PCDH15: variants seen among roughly 807,000 people sequenced by gnomAD.
PCDH15 encodes protocadherin-15.
Under a neutral mutation model 178.5 loss-of-function variants are expected in PCDH15, and 129 were observed. The observed-to-expected ratio is 0.72, with a 90% CI of 0.63 to 0.84. PCDH15 has a LOEUF of 0.84. Among genes scored for constraint, PCDH15 ranks in the 40% least tolerant of loss-of-function variants. PCDH15 has a pLI of 0.00. For missense variants in PCDH15, 2,230 were observed against 2,099.9 expected (o/e 1.06, Z -1.21); for synonymous variants, 800 against 732.0 (o/e 1.09, Z -1.50).
At chr10:55,536,853 G>A (rs545727041) in intron 2 of PCDH15, among the ~76,000 whole-genome samples, 1 of 152,110 alleles carries the variant, frequency 6.6e-6, no homozygotes, top group East Asian at 1.9e-4. Context: ...ACTTCTATCT[G>A]CATATATCTA....
intron 8 of PCDH15, among the ~76,000 whole-genome samples, chr10:54,252,941 G>A (rs2056608733): frequency 1.3e-5 from 2 of 151,910 alleles, no homozygotes; most frequent in Admixed American, 1.3e-4. Flanking sequence ...TCATGTTAGT[G>A]CCTTACTTGG....
At chr10:54,371,444 G>A (rs903272228) in intron 4 of PCDH15, among the ~76,000 whole-genome samples, 3 of 151,778 alleles carry the variant, frequency 2.0e-5, no homozygotes, top group African/African-American at 7.2e-5. Flanking sequence ...TTTTGAGAAT[G>A]TATAAAATGG....
At chr10:55,446,251 G>GA (rs893870838) in intron 2 of PCDH15, among the ~76,000 whole-genome samples, 7 of 149,476 alleles carry the variant, frequency 4.7e-5, no homozygotes, top group East Asian at 2.0e-4. Flanking sequence ...AAGAAACCTA[G>GA]AAAAAAAATC....
chr10:54,597,924 G>T (rs2092321617), intron 2 of PCDH15, among the ~76,000 whole-genome samples: 3 of 152,160 alleles, frequency 2.0e-5, no homozygotes, highest in East Asian at 3.9e-4. Context: ...AGTCTTCCAA[G>T]CTGAACCAGG....
At chr10:54,414,154 A>G (rs887014709) in intron 3 of PCDH15, among the ~76,000 whole-genome samples, 1 of 152,154 alleles carries the variant, frequency 6.6e-6, no homozygotes, top group African/African-American at 2.4e-5. Flanking sequence ...ATTTGAAACC[A>G]TGTACTCATA....
intron 8 of PCDH15, among the ~76,000 whole-genome samples, chr10:54,311,897 A>G (rs1396499862): frequency 6.6e-6 from 1 of 152,010 alleles, no homozygotes; most frequent in African/African-American, 2.4e-5. Flanking sequence ...AAATTTATTA[A>G]TAGACTATAT....
intron 30 of PCDH15, 83 bp downstream of exon 30, chr10:53,831,232 C>A (rs753083317): frequency 4.0e-6 from 5 of 1,263,064 alleles, no homozygotes; most frequent in Non-Finnish European, 5.8e-6. Flanking sequence ...CAATATTTTA[C>A]AACGCAAAGC....
At chr10:54,486,180 C>T (rs2079083969) in intron 3 of PCDH15, 1 of 151,954 alleles carries the variant, frequency 6.6e-6, no homozygotes, top group Admixed American at 6.6e-5. Flanking sequence ...ACAATTCAGT[C>T]AGTAGCTTGG....
chr10:55,607,939 G>T (rs1258239857), intron 2 of PCDH15, among the ~76,000 whole-genome samples: 1 of 151,612 alleles, frequency 6.6e-6, no homozygotes, highest in Non-Finnish European at 1.5e-5. Context: ...CAGAGAGAGA[G>T]AGAAAGAGAG....
intron 2 of PCDH15, among the ~76,000 whole-genome samples, chr10:54,941,962 C>T (rs548278118): frequency 1.3e-5 from 2 of 152,042 alleles, no homozygotes; most frequent in East Asian, 1.9e-4. Flanking sequence ...CTATCTGACA[C>T]TCCAAGTATC....
At chr10:54,979,875 T>G (rs991230569) in intron 2 of PCDH15, among the ~76,000 whole-genome samples, 4 of 152,170 alleles carry the variant, frequency 2.6e-5, no homozygotes, top group Non-Finnish European at 2.9e-5. Context: ...TACTTTTTAA[T>G]GCAATACTTG....
chr10:54,683,856 C>A (rs927052959), intron 1 of PCDH15, among the ~76,000 whole-genome samples: 2 of 152,062 alleles, frequency 1.3e-5, no homozygotes, highest in African/African-American at 4.8e-5. Flanking sequence ...CTGAACTTTT[C>A]AAACCCTCAG....
chr10:55,529,031 A>G (rs554261193), intron 2 of PCDH15, among the ~76,000 whole-genome samples: 1 of 152,048 alleles, frequency 6.6e-6, no homozygotes, highest in Admixed American at 6.6e-5. Flanking sequence ...TCTTCTTTTG[A>G]GAAGTGTCTG....
intron 8 of PCDH15, among the ~76,000 whole-genome samples, chr10:54,278,838 G>C (rs2058501601): frequency 6.6e-6 from 1 of 151,504 alleles, no homozygotes; most frequent in Non-Finnish European, 1.5e-5. Context: ...TATTTGTTCA[G>C]CATGCCCCAA....
upstream of PCDH15, among the ~76,000 whole-genome samples, chr10:54,804,927 TTATATATATATA>T (rs71014419): frequency 5.9e-5 from 3 of 50,848 alleles, no homozygotes; most frequent in Non-Finnish European, 1.2e-4. Context: ...TCATAGTAGA[TTATATATATATA>T]TATATATATA....
intron 18 of PCDH15, among the ~76,000 whole-genome samples, chr10:54,032,343 C>T (rs1432976534): frequency 2.6e-5 from 4 of 151,802 alleles, no homozygotes; most frequent in Non-Finnish European, 5.9e-5. Context: ...TGCTTTTTTT[C>T]TGTCATTTTT....
Position 54,023,146 on chromosome 10 carries a change from T to C in PCDH15, c.2272A>G (p.Asn758Asp). 1 of 1,613,852 alleles carries C rather than the reference T, an allele frequency of 6.2e-7. No individual in the cohort carries two copies. The highest frequency in any genetic ancestry group is 1.1e-5 in the South Asian group (1 of 91,078). ...INGQVHYSLG[N>D]FNNLFRITSN... Reference sequence around the variant, plus strand: ...GTGATACGAAAAAGATTATTAAAGTTACCCAAACTGTAGTGCACTTGACCA... The same window carrying C: ...GTGATACGAAAAAGATTATTAAAGTCACCCAAACTGTAGTGCACTTGACCA... Residue 758 changes from asparagine to aspartate, a missense_variant, in exon 19 of 38, where the codon AAC becomes GAC. Asn to Asp is a conservative substitution (Grantham distance 23). Coordinates refer to ENST00000644397, the MANE Select transcript of PCDH15 (RefSeq NM_001384140.1).
At chr10:55,509,113 G>C (rs1840824003) in intron 2 of PCDH15, among the ~76,000 whole-genome samples, 1 of 151,758 alleles carries the variant, frequency 6.6e-6, no homozygotes, top group Non-Finnish European at 1.5e-5. Context: ...GTAAGGCAAA[G>C]AGAGATAAGT....
At chr10:53,903,207 T>A (rs1389125788) in intron 26 of PCDH15, 36 bp downstream of exon 26, 3 of 1,609,690 alleles carry the variant, frequency 1.9e-6, no homozygotes, top group Non-Finnish European at 2.5e-6. Flanking sequence ...CCTGAGCTTT[T>A]ACTTTAGTTC....
Sources: allele counts gnomAD v4.1 joint callset (sites outside exome capture counted in the v4.1 genomes callset), GRCh38; gene constraint gnomAD v4.1.1; transcripts MANE v1.5; gene names NCBI Gene and HGNC (gene_info 2026-07-23, HGNC 2026-07-21).